The following WWOX variants were observed in gnomAD, a reference collection of about 807,000 sequenced individuals.
WWOX encodes the protein WW domain containing oxidoreductase, also known as WW domain-containing oxidoreductase.
WWOX carries 69 observed loss-of-function variants against 46.2 expected under a neutral mutation model. The observed-to-expected ratio is 1.49, with a 90% CI of 1.23 to 1.82. The LOEUF (loss-of-function observed/expected upper bound fraction) is 1.82, where lower values mean the gene tolerates loss of function less well. Among genes scored for constraint, WWOX ranks in the 40% most tolerant of loss-of-function variants. WWOX has a pLI of 0.00. For synonymous variants in WWOX, 359 were observed against 202.6 expected, an observed-to-expected ratio of 1.77 and a Z score of -6.56; for missense variants, 919 against 542.6, an observed-to-expected ratio of 1.69 and a Z score of -6.89.
chr16:79,051,003 C>A (rs907540566), intron 8 of WWOX, among the ~76,000 whole-genome samples: 3 of 152,224 alleles, frequency 2.0e-5, no homozygotes, highest in African/African-American at 7.2e-5. Context: ...ACCCAAATCA[C>A]ACGTCACGGC....
chr16:79,147,587 T>G (rs1422558815), intron 8 of WWOX, among the ~76,000 whole-genome samples: 1 of 152,218 alleles, frequency 6.6e-6, no homozygotes, highest in Non-Finnish European at 1.5e-5. Context: ...AATAGAAGTT[T>G]TCTTTTCTCT....
chr16:78,814,242 A>C (rs556234578), intron 8 of WWOX, among the ~76,000 whole-genome samples: 131 of 152,272 alleles, frequency 8.6e-4, no homozygotes, highest in Middle Eastern at 3.4e-3. Context: ...TCTTACATCA[A>C]CAATTTTTCA....
intron 8 of WWOX, among the ~76,000 whole-genome samples, chr16:78,816,118 C>G (rs1029420525): frequency 6.6e-6 from 1 of 152,138 alleles, no homozygotes; most frequent in Non-Finnish European, 1.5e-5. Context: ...AAATACTCCC[C>G]AAAATGAAGG....
chr16:78,707,976 C>T (rs1398213847), intron 8 of WWOX, among the ~76,000 whole-genome samples: 1 of 152,140 alleles, frequency 6.6e-6, no homozygotes, highest in Non-Finnish European at 1.5e-5. Flanking sequence ...TAGTAAATAA[C>T]ACTTGATCTT....
chr16:78,953,233 G>A (rs1166613493), intron 8 of WWOX, among the ~76,000 whole-genome samples: 2 of 150,892 alleles, frequency 1.3e-5, no homozygotes, highest in East Asian at 2.0e-4. Context: ...CTGAGCCAAA[G>A]ATTCTCCTTG....
At chr16:78,512,753 A>T (rs189238228) in intron 8 of WWOX, among the ~76,000 whole-genome samples, 1 of 152,266 alleles carries the variant, frequency 6.6e-6, no homozygotes, top group Non-Finnish European at 1.5e-5. Flanking sequence ...ATGCTAAAAT[A>T]AGCTTGACTG....
intron 8 of WWOX, among the ~76,000 whole-genome samples, chr16:78,984,135 C>T (rs1194820457): frequency 1.3e-5 from 2 of 152,048 alleles, no homozygotes; most frequent in African/African-American, 4.8e-5. Flanking sequence ...GCCTTGGCCT[C>T]CCAAAGTGCT....
intron 8 of WWOX, among the ~76,000 whole-genome samples, chr16:78,939,381 A>G (rs565974535): frequency 6.1e-4 from 93 of 152,194 alleles, no homozygotes; most frequent in Non-Finnish European, 1.1e-3. Context: ...TACTTTTTAG[A>G]ATTTTCTTTT....
At chr16:78,710,500 T>TATATATATATATATATATATATATATA (rs1567507587) in intron 8 of WWOX, among the ~76,000 whole-genome samples, 46 of 68,546 alleles carry the variant, frequency 6.7e-4, no homozygotes, top group East Asian at 8.2e-4. Context: ...ATATATATAT[T>TATATATATATATATATATATATATATA]TATATAAATA....
intron 8 of WWOX, among the ~76,000 whole-genome samples, chr16:79,057,132 G>T (rs2048277920): frequency 6.6e-6 from 1 of 152,186 alleles, no homozygotes; most frequent in Non-Finnish European, 1.5e-5. Context: ...TGCTAGCGCA[G>T]GTTCTCTAAC....
intron 8 of WWOX, among the ~76,000 whole-genome samples, chr16:79,023,709 C>G (rs1055591641): frequency 6.6e-6 from 1 of 151,656 alleles, no homozygotes; most frequent in Non-Finnish European, 1.5e-5. Context: ...CACCTGAGGT[C>G]TCAGAAGTTC....
intron 6 of WWOX, among the ~76,000 whole-genome samples, chr16:78,390,849 G>C (rs1369499892): frequency 6.6e-6 from 1 of 152,180 alleles, no homozygotes; most frequent in Admixed American, 6.5e-5. Flanking sequence ...TTTTCACGCT[G>C]TTGCATTGAG....
intron 8 of WWOX, among the ~76,000 whole-genome samples, chr16:78,555,915 G>C (rs2044283364): frequency 1.3e-5 from 2 of 152,122 alleles, no homozygotes; most frequent in South Asian, 4.1e-4. Flanking sequence ...GTCTACTGCA[G>C]GGTATTTATT....
chr16:79,210,390 G>C (rs1031468105), intron 8 of WWOX, among the ~76,000 whole-genome samples: 3 of 152,156 alleles, frequency 2.0e-5, no homozygotes, highest in Non-Finnish European at 4.4e-5. Flanking sequence ...CCATTTGAGG[G>C]AAACTCCTCC....
intron 6 of WWOX, among the ~76,000 whole-genome samples, chr16:78,416,619 T>C (rs2082802621): frequency 6.6e-6 from 1 of 152,228 alleles, no homozygotes; most frequent in Non-Finnish European, 1.5e-5. Flanking sequence ...CTTGAGAGAA[T>C]GTACAGGCAA....
At chr16:78,959,454 A>G (rs1309544730) in intron 8 of WWOX, among the ~76,000 whole-genome samples, 1 of 152,234 alleles carries the variant, frequency 6.6e-6, no homozygotes, top group East Asian at 1.9e-4. Flanking sequence ...TTCAGGTATG[A>G]TAATAAAAAC....
chr16:78,355,907 A>T (rs1289284675), intron 5 of WWOX: 1 of 379,980 alleles, frequency 2.6e-6, no homozygotes, highest in Non-Finnish European at 5.1e-6. Flanking sequence ...AAGATATTCA[A>T]AAGAGAAACC....
intron 8 of WWOX, among the ~76,000 whole-genome samples, chr16:78,641,045 T>A (rs536318682): frequency 3.3e-5 from 5 of 152,084 alleles, no homozygotes; most frequent in African/African-American, 1.2e-4. Flanking sequence ...AACTGAGCAT[T>A]ACTGTAACAT....
intron 8 of WWOX, among the ~76,000 whole-genome samples, chr16:78,722,188 A>T (rs966444479): frequency 5.3e-5 from 8 of 152,218 alleles, no homozygotes; most frequent in African/African-American, 1.9e-4. Flanking sequence ...AGTAGAGGAC[A>T]CCAAGGCACG....
Sources: gnomAD v4.1 joint callset for allele counts (sites outside exome capture counted in the v4.1 genomes callset) on GRCh38, gnomAD v4.1.1 for gene constraint, MANE v1.5 for transcripts, NCBI Gene and HGNC (gene_info 2026-07-23, HGNC 2026-07-21) for gene names.